Variants in DENND1B observed in about 807,000 individuals in gnomAD.
DENND1B encodes DENN domain-containing protein 1B.
A neutral mutation model predicts 90.1 loss-of-function variants in DENND1B; 59 were observed. The ratio of observed to expected loss-of-function variants is 0.65; its 90% CI spans 0.53 to 0.81. The LOEUF (loss-of-function observed/expected upper bound fraction) is 0.81, where lower values mean the gene tolerates loss of function less well. DENND1B is among the 40% of genes least tolerant of loss of function. DENND1B has a pLI of 0.00. For missense variants in DENND1B, 862 were observed against 912.6 expected (o/e 0.94, Z 0.71); for synonymous variants, 337 against 324.6 (o/e 1.04, Z -0.41).
intron 20 of DENND1B, among the ~76,000 whole-genome samples, chr1:197,536,213 A>G (rs886960726): frequency 3.4e-5 from 5 of 147,904 alleles, no homozygotes; most frequent in African/African-American, 7.4e-5. Flanking sequence ...TAGGGAGAGA[A>G]GCTGATATTC....
intron 14 of DENND1B, among the ~76,000 whole-genome samples, chr1:197,584,604 T>C (rs1396700983): frequency 6.6e-6 from 1 of 152,158 alleles, no homozygotes; most frequent in Non-Finnish European, 1.5e-5. Context: ...TCACCTACCA[T>C]CAGCTACCAG....
chr1:197,513,391 T>C (rs939558329), intron 20 of DENND1B, among the ~76,000 whole-genome samples: 1 of 151,664 alleles, frequency 6.6e-6, no homozygotes, highest in African/African-American at 2.4e-5. Context: ...GCTTCTCAAA[T>C]CTTAATGTGC....
At chr1:197,732,935 G>T (rs937667090) in intron 2 of DENND1B, among the ~76,000 whole-genome samples, 2 of 152,154 alleles carry the variant, frequency 1.3e-5, no homozygotes, top group African/African-American at 4.8e-5. Flanking sequence ...CCAGACCTAT[G>T]TATCAACAGA....
chr1:197,774,544 C>T (rs1657023304), intron 1 of DENND1B: 2 of 152,118 alleles, frequency 1.3e-5, no homozygotes, highest in African/African-American at 4.8e-5. Flanking sequence ...ATAAAAGTAC[C>T]CTCTAATTGG....
At chr1:197,568,131 C>T (rs1172465010) in intron 15 of DENND1B, among the ~76,000 whole-genome samples, 1 of 151,986 alleles carries the variant, frequency 6.6e-6, no homozygotes, top group East Asian at 1.9e-4. Flanking sequence ...AGCAAAAAAA[C>T]TGTTGGAACT....
At chr1:197,642,320 G>A (rs1680334573) in intron 10 of DENND1B, among the ~76,000 whole-genome samples, 1 of 152,078 alleles carries the variant, frequency 6.6e-6, no homozygotes, top group Admixed American at 6.6e-5. Flanking sequence ...CTATTACCAG[G>A]TTAGGATAGC....
rs184055813 is a variant in DENND1B at position 197,771,369 on chromosome 1, T to C, written c.82+1499A>G. On this transcript the variant is annotated intron_variant, in intron 2 of 22. Transcript: ENST00000620048. ...ATTTGAGTATCCATTCTACCTAATA[T>C]ATCCATTCTTCAAAGAGGACCCGGT... Among the ~76,000 whole-genome samples the C allele has an allele frequency of 7.2e-5, 11 of 152,342 alleles. No individual in the cohort carries two copies. The South Asian group carries it at 1.4e-3, about 20-fold the overall frequency.
At position 197,715,023 on chromosome 1, in the gene DENND1B, G is replaced by A; in HGVS notation, c.126+8C>T. On this transcript the variant is annotated splice_region_variant and intron_variant, in intron 3 of 22. Transcript: ENST00000620048. ...TTTAAATTTTTTAAAAAATTATGTG[G>A]TACCAACCTGGTCTCCAAAGTCCTC... The A allele has an allele frequency of 6.2e-7, 1 of 1,606,970 alleles. No homozygotes were observed. The highest frequency in any genetic ancestry group is 1.1e-5 in the South Asian group (1 of 90,290).
At chr1:197,538,299 G>C (rs1670066230) in intron 20 of DENND1B, among the ~76,000 whole-genome samples, 1 of 151,996 alleles carries the variant, frequency 6.6e-6, no homozygotes, top group African/African-American at 2.4e-5. Flanking sequence ...GAACATATTA[G>C]TGGTGGGAAA....
At chr1:197,729,703 T>C (rs888126211) in intron 2 of DENND1B, among the ~76,000 whole-genome samples, 1 of 152,174 alleles carries the variant, frequency 6.6e-6, no homozygotes, top group Non-Finnish European at 1.5e-5. Flanking sequence ...GCCCCCATAA[T>C]GTACAGCACA....
At chr1:197,558,494 C>T (rs975721851) in intron 15 of DENND1B, among the ~76,000 whole-genome samples, 8 of 151,680 alleles carry the variant, frequency 5.3e-5, no homozygotes, top group Non-Finnish European at 1.5e-5. Flanking sequence ...AGCCAGGAAC[C>T]GTGGACAAAA....
chr1:197,557,304 C>T (rs1331662612), intron 15 of DENND1B, among the ~76,000 whole-genome samples: 1 of 151,778 alleles, frequency 6.6e-6, no homozygotes, highest in Non-Finnish European at 1.5e-5. Flanking sequence ...ACTAAGACAT[C>T]CTTTAAAGGA....
At chr1:197,596,844 C>A (rs1272331204) in intron 13 of DENND1B, among the ~76,000 whole-genome samples, 1 of 151,874 alleles carries the variant, frequency 6.6e-6, no homozygotes, top group African/African-American at 2.4e-5. Context: ...AGAGGAAAGA[C>A]CAGCTCTACA....
chr1:197,715,105 G>A, intron 2 of DENND1B, 31 bp from the exon 3 acceptor site: 1 of 1,586,524 alleles, frequency 6.3e-7, no homozygotes, highest in Non-Finnish European at 8.6e-7. Flanking sequence ...TAATTAAACA[G>A]CAGCAAAAGA....
chr1:197,548,966 T>A (rs1355177577), intron 16 of DENND1B, among the ~76,000 whole-genome samples: 1 of 152,170 alleles, frequency 6.6e-6, no homozygotes, highest in Non-Finnish European at 1.5e-5. Flanking sequence ...ACTGCTTTTA[T>A]GATTTAAGGT....
chr1:197,624,511 G>A (rs952307288), intron 10 of DENND1B, among the ~76,000 whole-genome samples: 2 of 151,656 alleles, frequency 1.3e-5, no homozygotes, highest in Non-Finnish European at 3.0e-5. Flanking sequence ...CTAGGGCTTG[G>A]CAATGACTTT....
rs1034524625 is a variant in DENND1B, at chr1:197,516,758, G to A, written c.1516-3805C>T. ...CCAGTAACAGTACATCTTCATCTAG[G>A]TTAACAAATCACAGACATATCATTA... is the stretch of plus-strand genomic sequence containing the variant. On this transcript the variant is annotated intron_variant, in intron 20 of 22. Coordinates refer to ENST00000620048, the MANE Select transcript of DENND1B (RefSeq NM_001195215.2). Among the ~76,000 whole-genome samples, 3 of 151,656 alleles carry A rather than the reference G, an allele frequency of 2.0e-5. No homozygotes were observed. The East Asian group carries it at 5.8e-4, about 29-fold the overall frequency.
At chr1:197,741,617 T>C (rs1378490156) in intron 2 of DENND1B, among the ~76,000 whole-genome samples, 4 of 152,170 alleles carry the variant, frequency 2.6e-5, no homozygotes, top group Non-Finnish European at 5.9e-5. Flanking sequence ...ATTTACTATT[T>C]AATAAAACTT....
intron 3 of DENND1B, among the ~76,000 whole-genome samples, chr1:197,694,354 G>A (rs1658217184): frequency 6.6e-6 from 1 of 151,354 alleles, no homozygotes; most frequent in East Asian, 1.9e-4. Flanking sequence ...TTTCTACCGA[G>A]TAACATTTTA....
Sources: allele counts gnomAD v4.1 joint callset (sites outside exome capture counted in the v4.1 genomes callset), GRCh38; gene constraint gnomAD v4.1.1; transcripts MANE v1.5; gene names NCBI Gene and HGNC (gene_info 2026-07-23, HGNC 2026-07-21).